The following ADAMTSL1 variants were observed in gnomAD, a reference collection of about 807,000 sequenced individuals.
ADAMTSL1 encodes the protein ADAMTS like 1.
Under a neutral mutation model 201.8 loss-of-function variants are expected in ADAMTSL1, and 126 were observed. That is an observed-to-expected ratio of 0.62 (90% confidence interval 0.54 to 0.72). The LOEUF is 0.72. Among genes scored for constraint, ADAMTSL1 ranks in the 30% least tolerant of loss-of-function variants. The pLI, the probability that ADAMTSL1 is intolerant of heterozygous loss-of-function variation, is 0.00. For missense variants in ADAMTSL1, 2,679 were observed against 2,277.8 expected, an observed-to-expected ratio of 1.18 and a Z score of -3.59; for synonymous variants, 1,121 against 903.4, an observed-to-expected ratio of 1.24 and a Z score of -4.32.
chr9:18,174,783 C>T (rs933514593), intron 2 of ADAMTSL1, among the ~76,000 whole-genome samples: 1 of 151,952 alleles, frequency 6.6e-6, no homozygotes, highest in Non-Finnish European at 1.5e-5. Context: ...AAATTTGTAT[C>T]CTGTTTTCCC....
At chr9:17,960,886 T>C (rs1351740477) in intron 1 of ADAMTSL1, among the ~76,000 whole-genome samples, 1 of 152,198 alleles carries the variant, frequency 6.6e-6, no homozygotes, top group Non-Finnish European at 1.5e-5. Flanking sequence ...GTCAGGTCTC[T>C]GGACTGTTCA....
chr9:18,550,296 A>C (rs1820719766), intron 3 of ADAMTSL1, among the ~76,000 whole-genome samples: 1 of 151,934 alleles, frequency 6.6e-6, no homozygotes, highest in African/African-American at 2.4e-5. Flanking sequence ...CAGGAAGTAT[A>C]TCCTGGAGTA....
At chr9:18,790,878 C>T (rs113800933) in intron 19 of ADAMTSL1, among the ~76,000 whole-genome samples, 208 of 152,254 alleles carry the variant, frequency 1.4e-3, no homozygotes, top group African/African-American at 4.7e-3. Flanking sequence ...ATATACCTAG[C>T]ATGACCACAG....
At chr9:18,156,791 T>C (rs1827173710) in intron 1 of ADAMTSL1, among the ~76,000 whole-genome samples, 1 of 152,032 alleles carries the variant, frequency 6.6e-6, no homozygotes. Context: ...TGTCTAAGTG[T>C]AGGTATGAAT....
chr9:18,175,574 C>G (rs1458057650), intron 2 of ADAMTSL1, among the ~76,000 whole-genome samples: 3 of 152,170 alleles, frequency 2.0e-5, no homozygotes, highest in Admixed American at 1.3e-4. Flanking sequence ...TTAGCTTCAA[C>G]TTTCTGAGAC....
At chr9:17,960,447 T>C (rs1197685029) in intron 1 of ADAMTSL1, among the ~76,000 whole-genome samples, 1 of 152,212 alleles carries the variant, frequency 6.6e-6, no homozygotes, top group Non-Finnish European at 1.5e-5. Context: ...TCTTGGTCAT[T>C]GTTATAGAAA....
At chr9:18,668,480 T>TATTTATTTGTAAA (rs1829607507) in intron 9 of ADAMTSL1, among the ~76,000 whole-genome samples, 1 of 152,194 alleles carries the variant, frequency 6.6e-6, no homozygotes, top group Non-Finnish European at 1.5e-5. Context: ...TTTTTTAAAG[T>TATTTATTTGTAAA]GTAATTATTT....
intron 25 of ADAMTSL1, among the ~76,000 whole-genome samples, 170 bp from the exon 26 acceptor site, chr9:18,892,218 TC>T (rs1480219176): frequency 2.0e-5 from 3 of 152,248 alleles, no homozygotes; most frequent in Non-Finnish European, 4.4e-5. Context: ...GACATGGATA[TC>T]TTTTGGAGGA....
chr9:18,603,689 T>C (rs1260799087), intron 4 of ADAMTSL1, among the ~76,000 whole-genome samples: 2 of 152,222 alleles, frequency 1.3e-5, no homozygotes, highest in African/African-American at 4.8e-5. Flanking sequence ...TTCTGCCTCC[T>C]ATTCTTTTTT....
chr9:18,138,853 C>T (rs1342066881), intron 1 of ADAMTSL1, among the ~76,000 whole-genome samples: 5 of 152,080 alleles, frequency 3.3e-5, no homozygotes, highest in Non-Finnish European at 4.4e-5. Context: ...CGCTCTGCCT[C>T]AAGTGGATTG....
chr9:18,089,768 A>C (rs1463680938), intron 1 of ADAMTSL1, among the ~76,000 whole-genome samples: 2 of 152,200 alleles, frequency 1.3e-5, no homozygotes, highest in Non-Finnish European at 2.9e-5. Context: ...GGAGAAACTG[A>C]GAATTGCTTA....
chr9:18,828,783 TGTCA>T (rs1270930153), intron 22 of ADAMTSL1, among the ~76,000 whole-genome samples: 2 of 149,992 alleles, frequency 1.3e-5, no homozygotes, highest in Non-Finnish European at 3.0e-5. Flanking sequence ...CAATGGTCTT[TGTCA>T]GTCAGACAGA....
intron 1 of ADAMTSL1, among the ~76,000 whole-genome samples, chr9:18,139,505 T>A (rs1167797090): frequency 6.6e-6 from 1 of 152,132 alleles, no homozygotes; most frequent in East Asian, 1.9e-4. Flanking sequence ...ACCATCCTAT[T>A]CTGATAACCC....
chr9:18,605,369 C>T (rs1372688701), intron 4 of ADAMTSL1, among the ~76,000 whole-genome samples: 1 of 152,230 alleles, frequency 6.6e-6, no homozygotes, highest in Non-Finnish European at 1.5e-5. Context: ...TAGGACCAAG[C>T]GCTGGCATTG....
Position 18,504,878 on chromosome 9 carries a change from C to T in ADAMTSL1, c.113C>T (p.Ala38Val). The stretch of plus-strand genomic sequence containing the variant: ...GAGGACCGGGACGGCCTATGGGATG[C>T]CTGGGGCCCATGGAGTGAATGCTCA... ...SEEDRDGLWD[A>V]WGPWSECSRT... The change falls in exon 2 of 29, where the codon GCC becomes GTC. Residue 38 changes from alanine (A) to valine (V), a missense_variant. Coordinates refer to ENST00000380548, the MANE Select transcript of ADAMTSL1 (RefSeq NM_001040272.6). 1 of 1,613,714 alleles carries T rather than the reference C, an allele frequency of 6.2e-7. No individual in the cohort carries two copies. The highest frequency in any genetic ancestry group is 8.5e-7 in the Non-Finnish European group (1 of 1,179,922).
At chr9:18,646,587 T>A (rs1360181734) in intron 7 of ADAMTSL1, among the ~76,000 whole-genome samples, 3 of 143,742 alleles carry the variant, frequency 2.1e-5, no homozygotes, top group South Asian at 4.5e-4. Context: ...TTATTGAGAC[T>A]TTTTAGCATG....
chr9:18,003,759 T>C (rs1222596185), intron 1 of ADAMTSL1, among the ~76,000 whole-genome samples: 1 of 152,070 alleles, frequency 6.6e-6, no homozygotes, highest in Non-Finnish European at 1.5e-5. Context: ...TTCTTCTTCA[T>C]AGCAGGATTA....
chr9:18,053,708 G>C lies in ADAMTSL1; in HGVS notation c.88-110154G>C, dbSNP rs73418893. ...TGTTACATTCATATATTAATTCTTT[G>C]AATAAATATTTACTGACCACTCACA... On this transcript the variant is annotated intron_variant, in intron 1 of 29. Coordinates refer to the ADAMTSL1 transcript ENST00000680146. Among the ~76,000 whole-genome samples the C allele has an allele frequency of 2.7e-3, 412 of 152,190 alleles. 2 individuals are homozygous for C. The highest frequency in any genetic ancestry group is 9.2e-3 in the African/African-American group (384 of 41,524).
chr9:17,967,505 C>T (rs1159899582), intron 1 of ADAMTSL1, among the ~76,000 whole-genome samples: 1 of 152,102 alleles, frequency 6.6e-6, no homozygotes, highest in Non-Finnish European at 1.5e-5. Flanking sequence ...TTTCCTAGCA[C>T]TTTACACACA....
Sources: allele counts gnomAD v4.1 joint callset (sites outside exome capture counted in the v4.1 genomes callset), GRCh38; gene constraint gnomAD v4.1.1; transcripts MANE v1.5; gene names NCBI Gene and HGNC (gene_info 2026-07-23, HGNC 2026-07-21).